The following AKT2 variants were observed in gnomAD, a reference collection of about 807,000 sequenced individuals.
AKT2 encodes the protein RAC-beta serine/threonine-protein kinase.
Under a neutral mutation model 58.6 loss-of-function variants are expected in AKT2, and 16 were observed. That is an observed-to-expected ratio of 0.27 (90% CI 0.18 to 0.41). The LOEUF (loss-of-function observed/expected upper bound fraction) is 0.41, where lower values mean the gene tolerates loss of function less well. Ranked by LOEUF, AKT2 falls within the 10% of genes least tolerant of loss-of-function variation. The pLI, the probability that AKT2 is intolerant of heterozygous loss-of-function variation, is 1.00. For synonymous variants in AKT2, 253 were observed against 254.0 expected, an observed-to-expected ratio of 1.00 and a Z score of 0.04; for missense variants, 438 against 661.0, an observed-to-expected ratio of 0.66 and a Z score of 3.70.
rs1974495506 is a variant in AKT2, at chr19:40,242,765, G to A, written c.288-78C>T. 5 of 1,508,266 alleles carry A rather than the reference G, an allele frequency of 3.3e-6. No individual in the cohort carries two copies. The highest frequency in any genetic ancestry group is 3.6e-5 in the Admixed American group (2 of 55,588). 93.4% of individuals were successfully genotyped at this position (1,508,266 alleles called of 1,614,324 possible). A position where few individuals can be genotyped will look rare whatever the true frequency, so the allele number is the denominator to read the frequency against. Reference sequence around the variant, plus strand: ...TCGAACAGCTGAGTGCCACCTCCCAGCCACCCCCAGCAACAGGCAAGCAAA... The same window carrying A: ...TCGAACAGCTGAGTGCCACCTCCCAACCACCCCCAGCAACAGGCAAGCAAA... On this transcript the variant is annotated intron_variant, in intron 4 of 13. Coordinates refer to ENST00000392038, the MANE Select transcript of AKT2 (RefSeq NM_001626.6). The surrounding 1 kb of genome is among the most constrained non-coding windows in gnomAD (Gnocchi z 4.3).
At chr19:40,259,333 T>A (rs1413708877) in intron 2 of AKT2, among the ~76,000 whole-genome samples, 2 of 152,186 alleles carry the variant, frequency 1.3e-5, no homozygotes, top group Non-Finnish European at 2.9e-5. Context: ...ATCCCTATTT[T>A]GCAGATGAAG....
intron 1 of AKT2, among the ~76,000 whole-genome samples, chr19:40,281,195 T>G (rs1229808515): frequency 6.6e-6 from 1 of 152,154 alleles, no homozygotes; most frequent in African/African-American, 2.4e-5. Flanking sequence ...AGCTGTGAGC[T>G]GTGGTGGGCT....
Position 40,257,040 on chromosome 19 carries a change from T to A in AKT2, c.61A>T (p.Thr21Ser). The A allele has an allele frequency of 1.9e-6, 3 of 1,614,118 alleles. No homozygotes were observed. Among genetic ancestry groups the A allele is most frequent in the Non-Finnish European group, 2.5e-6 (3 of 1,179,998 alleles). Residue 21 changes from threonine (T) to serine (S), a missense_variant, in exon 3 of 14, where the codon ACC (threonine) becomes TCC (serine). Coordinates refer to ENST00000392038, the MANE Select transcript of AKT2 (RefSeq NM_001626.6). The part of the protein sequence containing the change: ...WLHKRGEYIK[T>S]WRPRYFLLKS... Reference sequence around the variant, plus strand: ...AGCAGGAAGTACCGTGGCCTCCAGGTCTTGATGTATTCACCTGAAATGAGG... The same window carrying A: ...AGCAGGAAGTACCGTGGCCTCCAGGACTTGATGTATTCACCTGAAATGAGG...
At position 40,233,583 on chromosome 19, in the gene AKT2, G is replaced by A. The variant is rs1973825865; in HGVS notation, c.*289C>T. The A allele has an allele frequency of 1.4e-6, 1 of 705,426 alleles. No individual in the cohort carries two copies. Among genetic ancestry groups the A allele is most frequent in the East Asian group, 2.7e-5 (1 of 36,924 alleles). 43.7% of individuals were successfully genotyped at this position (705,426 alleles called of 1,614,324 possible). On this transcript the variant is annotated 3_prime_UTR_variant, in exon 14 of 14. Coordinates refer to ENST00000392038, the MANE Select transcript of AKT2 (RefSeq NM_001626.6). The surrounding 1 kb of genome is among the most constrained non-coding windows in gnomAD (Gnocchi z 4.3). ...GGCGCCATGCTTCACCCCTCACTGG[G>A]GCTTGTGTGGATTAAAACCTGAATC...
At chr19:40,267,923 C>T (rs1314991066) in intron 1 of AKT2, among the ~76,000 whole-genome samples, 1 of 143,542 alleles carries the variant, frequency 7.0e-6, no homozygotes, top group Non-Finnish European at 1.5e-5. Flanking sequence ...CGAGCAGACA[C>T]CCGAGTTAAC....
At chr19:40,270,402 AGAG>A (rs199666201) in intron 1 of AKT2, 17,416 of 152,262 alleles carry the variant, frequency 0.11, 1,451 homozygotes, top group African/African-American at 0.23. Context: ...GAACATGTAC[AGAG>A]TGAAGCCCTG....
At chr19:40,243,058 C>CAT in intron 4 of AKT2, 1 of 308,218 alleles carries the variant, frequency 3.2e-6, no homozygotes, top group Admixed American at 4.1e-5. Flanking sequence ...AGGAGAATTG[C>CAT]TTGAACCCGG....
intron 1 of AKT2, among the ~76,000 whole-genome samples, chr19:40,283,854 C>A (rs1285747804): frequency 6.6e-6 from 1 of 152,220 alleles, no homozygotes; most frequent in Non-Finnish European, 1.5e-5. Flanking sequence ...GGGAAAACAG[C>A]TCCCGGCCTC....
rs992665004 is a variant in AKT2 at position 40,285,279 on chromosome 19, A to G, written c.-183T>C. Reference sequence around the variant, plus strand: ...TTCCTTGTGTTTCCCGGCAGCGGCAACGGCGCCGGCAGCGGCAGCGGCGGC... The same window carrying G: ...TTCCTTGTGTTTCCCGGCAGCGGCAGCGGCGCCGGCAGCGGCAGCGGCGGC... On this transcript the variant is annotated 5_prime_UTR_variant, in exon 1 of 14. Transcript: ENST00000392038. 34 of 394,742 alleles carry G rather than the reference A, an allele frequency of 8.6e-5. 1 individual carries two copies. Among genetic ancestry groups the G allele is most frequent in the African/African-American group, 6.6e-4 (32 of 48,176 alleles). The allele number at this position is 394,742 out of a possible 1,614,324, so 24.5% of individuals were successfully genotyped here. A position where few individuals can be genotyped will look rare whatever the true frequency, so the allele number is the denominator to read the frequency against.
chr19:40,263,480 G>A (rs1479073690), intron 2 of AKT2, among the ~76,000 whole-genome samples: 2 of 152,230 alleles, frequency 1.3e-5, no homozygotes, highest in South Asian at 2.1e-4. Context: ...CCAAGGCTCA[G>A]TGAGGTGACA....
Position 40,255,150 on chromosome 19 carries a change from AG to A in AKT2, c.287+7del. 1 of 1,606,676 alleles carries A rather than the reference AG, an allele frequency of 6.2e-7. No homozygotes were observed. On this transcript the variant is annotated splice_region_variant and intron_variant, in intron 4 of 13. Transcript: ENST00000392038. Reference sequence around the variant, plus strand: ...CTCAAGGGCAGCCACACAGAGGCCCAGACTGACCTCTCGTCTGGAGAATCCA... The same window carrying A: ...CTCAAGGGCAGCCACACAGAGGCCCAACTGACCTCTCGTCTGGAGAATCCA...
intron 7 of AKT2, 79 bp downstream of exon 7, chr19:40,239,966 A>G (rs1016991802): frequency 6.5e-6 from 10 of 1,529,784 alleles, no homozygotes; most frequent in Non-Finnish European, 9.1e-6. Flanking sequence ...TGTGCTTTGT[A>G]CCAGAAGATT....
At chr19:40,263,633 T>C (rs543146859) in intron 2 of AKT2, among the ~76,000 whole-genome samples, 2 of 152,202 alleles carry the variant, frequency 1.3e-5, no homozygotes, top group South Asian at 2.1e-4. Flanking sequence ...TTAAAAGCCA[T>C]CTCTGTCCAG....
chr19:40,262,340 C>T (rs1976024644), intron 2 of AKT2, among the ~76,000 whole-genome samples: 2 of 152,074 alleles, frequency 1.3e-5, no homozygotes, highest in South Asian at 2.1e-4. Context: ...CAGAGAGGTC[C>T]TATTAGTTTG....
At chr19:40,254,510 A>G (rs1975393330) in intron 4 of AKT2, among the ~76,000 whole-genome samples, 1 of 149,980 alleles carries the variant, frequency 6.7e-6, no homozygotes. Flanking sequence ...CCTGGGCAAC[A>G]GAGCAAGACT....
intron 2 of AKT2, among the ~76,000 whole-genome samples, chr19:40,259,314 C>CA (rs1178861312): frequency 6.6e-6 from 1 of 152,182 alleles, no homozygotes; most frequent in African/African-American, 2.4e-5. Flanking sequence ...AGCCTATCCT[C>CA]ACAATCTTAT....
At chr19:40,254,685 C>T (rs978690045) in intron 4 of AKT2, among the ~76,000 whole-genome samples, 2 of 151,708 alleles carry the variant, frequency 1.3e-5, no homozygotes, top group Admixed American at 6.6e-5. Context: ...AAAACTAAGC[C>T]GGGCATGGTG....
intron 1 of AKT2, among the ~76,000 whole-genome samples, chr19:40,280,414 G>C (rs765986180): frequency 2.0e-5 from 3 of 152,160 alleles, no homozygotes; most frequent in Non-Finnish European, 4.4e-5. Flanking sequence ...GATGCTACTG[G>C]AGGGGAAGTG....
intron 1 of AKT2, chr19:40,284,707 C>T (rs1478395826): frequency 6.5e-6 from 1 of 152,868 alleles, no homozygotes; most frequent in Non-Finnish European, 1.5e-5. Flanking sequence ...GCTCCCCCAA[C>T]GCCGTGGTGA....
Sources: gnomAD v4.1 joint callset for allele counts (sites outside exome capture counted in the v4.1 genomes callset) on GRCh38, gnomAD v4.1.1 for gene constraint, Gnocchi (gnomAD v3.1) non-coding constraint, MANE v1.5 for transcripts, NCBI Gene and HGNC (gene_info 2026-07-23, HGNC 2026-07-21) for gene names.